The following PTPRM variants were observed in gnomAD, a reference collection of about 807,000 sequenced individuals.
PTPRM encodes protein tyrosine phosphatase receptor type M.
In PTPRM, 47 loss-of-function variants were observed where a neutral mutation model predicts 186.7. The ratio of observed to expected loss-of-function variants is 0.25; its 90% CI spans 0.20 to 0.32. The LOEUF (loss-of-function observed/expected upper bound fraction) is 0.32. Ranked by LOEUF, PTPRM falls within the 10% of genes least tolerant of loss-of-function variation. The probability of loss-of-function intolerance (pLI) is 1.00; values close to 1 mark genes in which losing one functional copy is unlikely to be tolerated. For synonymous variants in PTPRM, 668 were observed against 674.9 expected (o/e 0.99, Z 0.16); for missense variants, 1,494 against 1,865.0 (o/e 0.80, Z 3.66).
intron 1 of PTPRM, among the ~76,000 whole-genome samples, chr18:7,647,355 C>T (rs2144238611): frequency 6.6e-6 from 1 of 152,286 alleles, no homozygotes; most frequent in South Asian, 2.1e-4. Context: ...TTGACATTAT[C>T]TCTCACTAAT....
At chr18:8,380,466 G>A (rs780872309) in intron 29 of PTPRM, 39 bp downstream of exon 29, 2 of 1,611,982 alleles carry the variant, frequency 1.2e-6, no homozygotes, top group South Asian at 1.1e-5. Flanking sequence ...CTAGTGCCAG[G>A]GGGTCAAGTT....
rs1456131734 is a variant in PTPRM, at chr18:7,906,562, A to C, written c.526A>C (p.Lys176Gln). Reference protein sequence around the residue: ...HQGYLAIDEVKVLGHPCTRTP... With the variant: ...HQGYLAIDEVQVLGHPCTRTP... ...AGGCTATCTCGCTATCGATGAGGTG[A>C]AGGTGTTAGGACATCCATGTAGTAA... The change falls in exon 4 of 33, where the codon AAG becomes CAG. Residue 176 changes from lysine to glutamine, a missense_variant. Lys to Gln is a moderately conservative substitution (Grantham distance 53). Transcript: ENST00000580170. 6.8e-6 allele frequency: 11 copies of C among 1,612,842 alleles called. No homozygotes were observed. The East Asian group carries it at 2.2e-4, about 33-fold the overall frequency.
At chr18:8,324,228 C>A (rs1034671720) in intron 22 of PTPRM, among the ~76,000 whole-genome samples, 1 of 152,114 alleles carries the variant, frequency 6.6e-6, no homozygotes, top group African/African-American at 2.4e-5. Flanking sequence ...CAAACTATTA[C>A]TAAAATGTTT....
At chr18:7,866,616 C>T (rs2047712843) in intron 2 of PTPRM, among the ~76,000 whole-genome samples, 2 of 152,106 alleles carry the variant, frequency 1.3e-5, no homozygotes, top group Admixed American at 1.3e-4. Context: ...ATTATGTGGT[C>T]AATTTTAGAA....
intron 31 of PTPRM, among the ~76,000 whole-genome samples, chr18:8,389,590 G>A (rs573714002): frequency 1.7e-4 from 26 of 152,258 alleles, no homozygotes; most frequent in African/African-American, 4.8e-4. Context: ...CTAAAGCCCC[G>A]CCTCTGTTCA....
intron 31 of PTPRM, among the ~76,000 whole-genome samples, chr18:8,391,715 C>T (rs1044373386): frequency 1.3e-5 from 2 of 152,114 alleles, no homozygotes; most frequent in African/African-American, 2.4e-5. Flanking sequence ...TACTTACGGT[C>T]TTTATTGTAG....
intron 1 of PTPRM, among the ~76,000 whole-genome samples, chr18:7,653,132 T>A (rs2038760252): frequency 6.7e-6 from 1 of 149,260 alleles, no homozygotes; most frequent in Non-Finnish European, 1.5e-5. Flanking sequence ...TTATTATTAT[T>A]ATTATTATTA....
chr18:8,225,576 G>C (rs908160623), intron 14 of PTPRM, among the ~76,000 whole-genome samples: 6 of 152,172 alleles, frequency 3.9e-5, no homozygotes, highest in Non-Finnish European at 5.9e-5. Context: ...GCTCATTGAA[G>C]TGGGTCAGCC....
At position 8,267,145 on chromosome 18, in the gene PTPRM, A is replaced by G. The variant is rs190557869; in HGVS notation, c.2754+13731A>G. Among the ~76,000 whole-genome samples the G allele has an allele frequency of 7.1e-3, 1,079 of 152,294 alleles. 6 individuals are homozygous for G. Among genetic ancestry groups the G allele is most frequent in the South Asian group, 0.019 (94 of 4,822 alleles). On this transcript the variant is annotated intron_variant, in intron 19 of 32. Coordinates refer to ENST00000580170, the MANE Select transcript of PTPRM (RefSeq NM_001105244.2). ...ATTTATGTGCTTTAGGTAATTATGC[A>G]TGTGAGTTCCTTGCCAATTTTATGG...
At chr18:7,756,795 A>G (rs576511836) in intron 1 of PTPRM, among the ~76,000 whole-genome samples, 1 of 152,306 alleles carries the variant, frequency 6.6e-6, no homozygotes, top group East Asian at 1.9e-4. Context: ...GGCAAGCCAC[A>G]TCATTCGGAT....
chr18:7,634,117 C>T (rs1473205703), intron 1 of PTPRM, among the ~76,000 whole-genome samples: 1 of 152,168 alleles, frequency 6.6e-6, no homozygotes, highest in East Asian at 1.9e-4. Flanking sequence ...CCCTGATGCT[C>T]CTCAAACACT....
chr18:8,215,826 G>T (rs747634516), intron 14 of PTPRM, among the ~76,000 whole-genome samples: 1 of 152,064 alleles, frequency 6.6e-6, no homozygotes, highest in Non-Finnish European at 1.5e-5. Flanking sequence ...GCAATTACAG[G>T]ATCACCACAC....
At chr18:7,698,147 C>T (rs1195281902) in intron 1 of PTPRM, among the ~76,000 whole-genome samples, 2 of 152,174 alleles carry the variant, frequency 1.3e-5, no homozygotes, top group African/African-American at 4.8e-5. Flanking sequence ...CCCCTTAAAA[C>T]AATAGCAGAC....
At chr18:8,219,054 G>A (rs1490516506) in intron 14 of PTPRM, among the ~76,000 whole-genome samples, 3 of 152,216 alleles carry the variant, frequency 2.0e-5, no homozygotes, top group African/African-American at 4.8e-5. Context: ...TGCTTCCAGT[G>A]AAGGCATTGT....
chr18:8,336,713 G>A (rs1160936891), intron 22 of PTPRM, among the ~76,000 whole-genome samples: 1 of 151,606 alleles, frequency 6.6e-6, no homozygotes, highest in Non-Finnish European at 1.5e-5. Context: ...GAAAGGTAGG[G>A]TCACACCTGT....
At chr18:7,830,802 C>T (rs1941837115) in intron 2 of PTPRM, among the ~76,000 whole-genome samples, 1 of 152,188 alleles carries the variant, frequency 6.6e-6, no homozygotes, top group Non-Finnish European at 1.5e-5. Context: ...TCCTCCAACA[C>T]ACACCCGAAA....
At chr18:7,716,705 A>G (rs1465327956) in intron 1 of PTPRM, among the ~76,000 whole-genome samples, 1 of 152,236 alleles carries the variant, frequency 6.6e-6, no homozygotes, top group Non-Finnish European at 1.5e-5. Flanking sequence ...GAAGATATTG[A>G]TGCAACCAAT....
At chr18:7,844,025 G>C (rs931768481) in intron 2 of PTPRM, among the ~76,000 whole-genome samples, 1 of 152,164 alleles carries the variant, frequency 6.6e-6, no homozygotes. Context: ...CAAGCACCCT[G>C]AGGGGGCAGG....
At chr18:8,226,276 C>G (rs781332556) in intron 14 of PTPRM, among the ~76,000 whole-genome samples, 2 of 150,984 alleles carry the variant, frequency 1.3e-5, no homozygotes, top group South Asian at 4.2e-4. Flanking sequence ...AATATCCCCC[C>G]CACACACATA....
Sources: allele counts gnomAD v4.1 joint callset (sites outside exome capture counted in the v4.1 genomes callset), GRCh38; gene constraint gnomAD v4.1.1; transcripts MANE v1.5; gene names NCBI Gene and HGNC (gene_info 2026-07-23, HGNC 2026-07-21).